ACYP2: variants seen among roughly 807,000 people sequenced by gnomAD.
ACYP2 encodes acylphosphatase 2, also known as acylphosphatase-2.
Under a neutral mutation model 11.2 loss-of-function variants are expected in ACYP2, and 12 were observed. That is an observed-to-expected ratio of 1.08 (90% confidence interval 0.69 to 1.74). The LOEUF (loss-of-function observed/expected upper bound fraction) is 1.74. ACYP2 is among the 40% of genes most tolerant of loss of function. The pLI, the probability that ACYP2 is intolerant of heterozygous loss-of-function variation, is 0.00. For missense variants in ACYP2, 134 were observed against 101.9 expected (o/e 1.31, Z -1.35); for synonymous variants, 43 against 32.2 (o/e 1.33, Z -1.13).
At chr2:54,172,272 A>G in intron 6 of ACYP2, among the ~76,000 whole-genome samples, 1 of 152,320 alleles carries the variant, frequency 6.6e-6, no homozygotes, top group Middle Eastern at 3.4e-3. Context: ...AAATATGTAT[A>G]TAAATATACA....
chr2:53,981,536 C>T (rs1328651456), intron 2 of ACYP2, among the ~76,000 whole-genome samples: 1 of 152,160 alleles, frequency 6.6e-6, no homozygotes, highest in East Asian at 1.9e-4. Context: ...GGCTTGCAAT[C>T]AGTCTGACTG....
chr2:53,986,005 G>A (rs1351594035), intron 2 of ACYP2, among the ~76,000 whole-genome samples: 2 of 151,956 alleles, frequency 1.3e-5, no homozygotes, highest in African/African-American at 2.4e-5. Context: ...GCATGGTGGC[G>A]TTCACCTGTA....
At position 54,039,819 on chromosome 2, in the gene ACYP2, T is replaced by TGTGTGTGTG. The variant is rs1675125815; in HGVS notation, c.63-11139_63-11138insGTGTGTGTG. Among the ~76,000 whole-genome samples the TGTGTGTGTG allele has an allele frequency of 6.3e-5, 8 of 126,686 alleles. 1 individual carries two copies. The East Asian group carries it at 1.5e-3, about 23-fold the overall frequency. The allele number at this position is 126,686 out of a possible 152,430, so 83.1% of individuals were successfully genotyped here. A position where few individuals can be genotyped will look rare whatever the true frequency, so the allele number is the denominator to read the frequency against. ...TTCTGTGTTTTATATTTGTTTTCTT[T>TGTGTGTGTG]TGTGTGTGTGTGTGTGTGTGTGTGT... On this transcript the variant is annotated intron_variant, in intron 2 of 6. Coordinates refer to ENST00000607452, the MANE Select transcript of ACYP2 (RefSeq NM_001320586.2).
At chr2:54,237,566 C>A (rs1260031770) in intron 6 of ACYP2, among the ~76,000 whole-genome samples, 1 of 152,142 alleles carries the variant, frequency 6.6e-6, no homozygotes. Flanking sequence ...TCCTTCGGCA[C>A]TTTGAAGATA....
At chr2:54,088,152 TG>T (rs1678037254) in intron 4 of ACYP2, among the ~76,000 whole-genome samples, 1 of 152,168 alleles carries the variant, frequency 6.6e-6, no homozygotes, top group Non-Finnish European at 1.5e-5. Flanking sequence ...ACTCTTCTAG[TG>T]GAGCCAAAAG....
chr2:54,090,367 A>T (rs969424885), intron 4 of ACYP2, among the ~76,000 whole-genome samples: 1 of 152,068 alleles, frequency 6.6e-6, no homozygotes, highest in African/African-American at 2.4e-5. Context: ...GCAGTGGCTC[A>T]TGCCTGTAAT....
chr2:54,219,881 G>GTGTGTATGTA (rs1222539416), intron 6 of ACYP2, among the ~76,000 whole-genome samples: 1 of 99,472 alleles, frequency 1.0e-5, no homozygotes. Flanking sequence ...GTGTGTGTGT[G>GTGTGTATGTA]TATATATATA....
chr2:54,090,813 G>A (rs751951318), intron 4 of ACYP2, among the ~76,000 whole-genome samples: 1 of 152,018 alleles, frequency 6.6e-6, no homozygotes, highest in East Asian at 1.9e-4. Context: ...CATTGTCCTG[G>A]GCCACTCCAT....
intron 4 of ACYP2, among the ~76,000 whole-genome samples, chr2:54,116,503 T>G (rs199526842): frequency 2.3e-5 from 1 of 43,792 alleles, no homozygotes; most frequent in Non-Finnish European, 5.6e-5. Flanking sequence ...TGCTTGAGGG[T>G]TTTTTTTTTT....
At chr2:54,249,098 G>C (rs1030844863) in intron 6 of ACYP2, among the ~76,000 whole-genome samples, 5 of 152,084 alleles carry the variant, frequency 3.3e-5, no homozygotes, top group Non-Finnish European at 7.4e-5. Flanking sequence ...AGGGTGTTTG[G>C]ATTTTCTTCT....
intron 6 of ACYP2, among the ~76,000 whole-genome samples, chr2:54,261,438 A>C (rs1292440342): frequency 5.9e-5 from 9 of 152,182 alleles, no homozygotes; most frequent in Non-Finnish European, 1.3e-4. Context: ...TAAGGGAAGG[A>C]AGAACGATAT....
intron 4 of ACYP2, among the ~76,000 whole-genome samples, chr2:54,098,592 A>G (rs1203977763): frequency 6.6e-6 from 1 of 152,138 alleles, no homozygotes; most frequent in Non-Finnish European, 1.5e-5. Context: ...GATATCTCCA[A>G]ATATGTTGTT....
chr2:54,279,522 G>C, intron 6 of ACYP2, among the ~76,000 whole-genome samples: 1 of 152,062 alleles, frequency 6.6e-6, no homozygotes, highest in East Asian at 1.9e-4. Flanking sequence ...TAACTTGTTT[G>C]GGATAATTCT....
chr2:54,123,133 C>G, intron 4 of ACYP2: 1 of 379,528 alleles, frequency 2.6e-6, no homozygotes, highest in Non-Finnish European at 4.7e-6. Flanking sequence ...AGATGAGTCA[C>G]TGCATGTCCC....
At chr2:54,007,214 G>A (rs578189034) in intron 2 of ACYP2, among the ~76,000 whole-genome samples, 11 of 145,330 alleles carry the variant, frequency 7.6e-5, no homozygotes, top group Admixed American at 2.7e-4. Flanking sequence ...ACATTTTAGC[G>A]GAGTTCAGGC....
intron 4 of ACYP2, 191 bp from the exon 1 acceptor site, chr2:54,115,424 T>G (rs1157117482): frequency 1.4e-6 from 1 of 712,470 alleles, no homozygotes; most frequent in Non-Finnish European, 2.2e-6. Context: ...GGGAGCGCTG[T>G]GGAGACAGCA....
intron 2 of ACYP2, chr2:53,973,851 ATATATGTGTGTGTGTGTGTGTG>A (rs1558445243): frequency 8.5e-6 from 1 of 117,132 alleles, no homozygotes. Flanking sequence ...TGTGGGATAT[ATATATGTGTGTGTGTGTGTGTG>A]TGTGTGTGTG....
chr2:53,974,150 G>T (rs1271918084), intron 2 of ACYP2, among the ~76,000 whole-genome samples: 1 of 151,444 alleles, frequency 6.6e-6, no homozygotes, highest in Non-Finnish European at 1.5e-5. Context: ...TCCTGACCTC[G>T]TGATCCGCCC....
chr2:54,293,642 A>C (rs1689403224), intron 6 of ACYP2, among the ~76,000 whole-genome samples: 1 of 152,250 alleles, frequency 6.6e-6, no homozygotes, highest in Non-Finnish European at 1.5e-5. Context: ...CTGTAATAAT[A>C]GTTATTAATG....
Sources: gnomAD v4.1 joint callset for allele counts (sites outside exome capture counted in the v4.1 genomes callset) on GRCh38, gnomAD v4.1.1 for gene constraint, MANE v1.5 for transcripts, NCBI Gene and HGNC (gene_info 2026-07-23, HGNC 2026-07-21) for gene names.